The following LRRTM4 variants were observed in gnomAD, a reference collection of about 807,000 sequenced individuals.
The protein encoded by LRRTM4 is leucine-rich repeat transmembrane neuronal protein 4.
In LRRTM4, 25 loss-of-function variants were observed where a neutral mutation model predicts 47.6. That is an observed-to-expected ratio of 0.53 (90% CI 0.38 to 0.73). The LOEUF (loss-of-function observed/expected upper bound fraction) is 0.73. LRRTM4 is among the 30% of genes least tolerant of loss of function. The pLI is 0.00. For missense variants in LRRTM4, 638 were observed against 713.4 expected, an observed-to-expected ratio of 0.89 and a Z score of 1.20; for synonymous variants, 311 against 269.5, an observed-to-expected ratio of 1.15 and a Z score of -1.51.
At chr2:77,314,692 A>G (rs565763272) in intron 3 of LRRTM4, among the ~76,000 whole-genome samples, 1 of 152,332 alleles carries the variant, frequency 6.6e-6, no homozygotes, top group African/African-American at 2.4e-5. Context: ...AGAGGATTAC[A>G]TGCAAATTAC....
intron 3 of LRRTM4, among the ~76,000 whole-genome samples, chr2:76,811,594 C>T (rs1365833981): frequency 6.6e-6 from 1 of 152,064 alleles, no homozygotes; most frequent in African/African-American, 2.4e-5. Flanking sequence ...TTGTTTCTGC[C>T]ATGTACATGT....
At chr2:77,284,975 GT>G in intron 3 of LRRTM4, among the ~76,000 whole-genome samples, 1 of 152,156 alleles carries the variant, frequency 6.6e-6, no homozygotes, top group Non-Finnish European at 1.5e-5. Flanking sequence ...ACCTTAAGTA[GT>G]TTAAGGATTG....
At chr2:76,821,525 A>G (rs1315611987) in intron 3 of LRRTM4, among the ~76,000 whole-genome samples, 3 of 151,700 alleles carry the variant, frequency 2.0e-5, no homozygotes, top group Admixed American at 6.6e-5. Context: ...GGGCGTAAAA[A>G]TGTACAAAAC....
intron 3 of LRRTM4, among the ~76,000 whole-genome samples, chr2:76,990,729 T>C (rs114444590): frequency 0.013 from 1,911 of 151,838 alleles, 40 homozygotes; most frequent in African/African-American, 0.044. Flanking sequence ...TGATAGTGCA[T>C]AGGCAGATCA....
intron 3 of LRRTM4, among the ~76,000 whole-genome samples, chr2:77,309,625 G>A (rs899180710): frequency 6.6e-6 from 1 of 152,016 alleles, no homozygotes; most frequent in Non-Finnish European, 1.5e-5. Context: ...ACTGCACTGA[G>A]CAACATGACT....
intron 3 of LRRTM4, among the ~76,000 whole-genome samples, chr2:77,481,502 A>G (rs1289444599): frequency 6.6e-6 from 1 of 152,216 alleles, no homozygotes; most frequent in Admixed American, 6.5e-5. Context: ...TAGAGGCTTC[A>G]TAAAATTAAA....
intron 3 of LRRTM4, among the ~76,000 whole-genome samples, chr2:76,903,841 T>C (rs911232688): frequency 5.9e-5 from 9 of 152,198 alleles, no homozygotes; most frequent in African/African-American, 2.2e-4. Flanking sequence ...AAAGGTGGTA[T>C]GCTTCTTTTC....
chr2:77,080,955 A>T (rs766337372), intron 3 of LRRTM4, among the ~76,000 whole-genome samples: 4 of 152,096 alleles, frequency 2.6e-5, no homozygotes, highest in Non-Finnish European at 5.9e-5. Flanking sequence ...CTCTGTCCAC[A>T]TCCCCACTTC....
chr2:77,455,534 G>C (rs1676498476), intron 3 of LRRTM4, among the ~76,000 whole-genome samples: 1 of 151,930 alleles, frequency 6.6e-6, no homozygotes, highest in Non-Finnish European at 1.5e-5. Context: ...CTAAAGAGGG[G>C]TACATATACC....
chr2:76,980,710 G>C (rs962647401), intron 3 of LRRTM4, among the ~76,000 whole-genome samples: 2 of 152,176 alleles, frequency 1.3e-5, no homozygotes, highest in African/African-American at 4.8e-5. Context: ...CTCCTGAAGT[G>C]AGCCCAGCCA....
intron 3 of LRRTM4, among the ~76,000 whole-genome samples, chr2:77,275,481 G>A (rs1461258589): frequency 6.6e-6 from 1 of 151,992 alleles, no homozygotes; most frequent in African/African-American, 2.4e-5. Context: ...TGATAATCAG[G>A]CAAAATTATT....
chr2:77,044,570 G>A (rs1001604124), intron 3 of LRRTM4, among the ~76,000 whole-genome samples: 1 of 151,536 alleles, frequency 6.6e-6, no homozygotes, highest in African/African-American at 2.4e-5. Context: ...GTGTGTGTGT[G>A]CATGCAAAAG....
chr2:77,062,819 A>G (rs913725787), intron 3 of LRRTM4, among the ~76,000 whole-genome samples: 2 of 152,198 alleles, frequency 1.3e-5, no homozygotes, highest in Admixed American at 6.5e-5. Context: ...ACAAGATACA[A>G]TATTCTGCAG....
intron 3 of LRRTM4, among the ~76,000 whole-genome samples, chr2:77,138,316 A>T (rs1672009844): frequency 6.6e-6 from 1 of 152,186 alleles, no homozygotes; most frequent in African/African-American, 2.4e-5. Context: ...GGATTAAGAA[A>T]CCCATTCAAA....
intron 3 of LRRTM4, among the ~76,000 whole-genome samples, chr2:76,820,251 G>A (rs912595458): frequency 1.3e-5 from 2 of 151,606 alleles, no homozygotes; most frequent in African/African-American, 4.8e-5. Flanking sequence ...TGTCCATTTC[G>A]CTGCTTTATA....
intron 3 of LRRTM4, among the ~76,000 whole-genome samples, chr2:77,016,948 G>C (rs1433277926): frequency 6.6e-6 from 1 of 151,708 alleles, no homozygotes; most frequent in East Asian, 1.9e-4. Context: ...CTGTAGTTAG[G>C]GTCATATCTT....
intron 3 of LRRTM4, among the ~76,000 whole-genome samples, chr2:77,170,192 G>T (rs1405767950): frequency 6.6e-6 from 1 of 151,906 alleles, no homozygotes; most frequent in Admixed American, 6.6e-5. Flanking sequence ...GTCTAATCAT[G>T]TGAGTCCTTA....
chr2:77,196,297 T>C (rs1198428586), intron 3 of LRRTM4, among the ~76,000 whole-genome samples: 2 of 152,210 alleles, frequency 1.3e-5, no homozygotes, highest in East Asian at 3.8e-4. Flanking sequence ...TTCTTAAACA[T>C]TTATCATTTA....
At chr2:77,097,451 G>A (rs1328171731) in intron 3 of LRRTM4, among the ~76,000 whole-genome samples, 3 of 151,942 alleles carry the variant, frequency 2.0e-5, no homozygotes, top group Non-Finnish European at 4.4e-5. Flanking sequence ...AATTAAGCTT[G>A]TGCCAATCCG....
Sources: gnomAD v4.1 joint callset for allele counts (sites outside exome capture counted in the v4.1 genomes callset) on GRCh38, gnomAD v4.1.1 for gene constraint, MANE v1.5 for transcripts, NCBI Gene and HGNC (gene_info 2026-07-23, HGNC 2026-07-21) for gene names.